Variants in DCAF6 observed in about 807,000 individuals in gnomAD.
DCAF6 encodes the protein DDB1 and CUL4 associated factor 6.
Under a neutral mutation model 125.1 loss-of-function variants are expected in DCAF6, and 54 were observed. The observed-to-expected ratio is 0.43, with a 90% CI of 0.35 to 0.54. The LOEUF (loss-of-function observed/expected upper bound fraction) is 0.54, where lower values mean the gene tolerates loss of function less well. DCAF6 is among the 20% of genes least tolerant of loss of function. The probability of loss-of-function intolerance (pLI) is 0.01; values close to 1 mark genes in which losing one functional copy is unlikely to be tolerated. For missense variants in DCAF6, 934 were observed against 1,161.7 expected, an observed-to-expected ratio of 0.80 and a Z score of 2.85; for synonymous variants, 371 against 390.4, an observed-to-expected ratio of 0.95 and a Z score of 0.58.
chr1:168,008,798 G>A (rs528279347), intron 10 of DCAF6, among the ~76,000 whole-genome samples: 91 of 150,666 alleles, frequency 6.0e-4, no homozygotes, highest in Non-Finnish European at 1.2e-3. Flanking sequence ...GATTTCTTTC[G>A]GTTATCAGAG....
the DCAF6 span, chr1:167,880,665 C>T: frequency 7.3e-7 from 1 of 1,361,364 alleles, no homozygotes; most frequent in Non-Finnish European, 1.1e-6. Flanking sequence ...TTAAACTGGA[C>T]TGGCCAGAAG....
chr1:168,005,856 A>G (rs182593580), intron 10 of DCAF6, among the ~76,000 whole-genome samples: 1 of 152,182 alleles, frequency 6.6e-6, no homozygotes, highest in African/African-American at 2.4e-5. Context: ...CATTTTATCC[A>G]TAATAATAAG....
At chr1:168,049,546 G>A (rs1479845893) in intron 16 of DCAF6, among the ~76,000 whole-genome samples, 1 of 147,552 alleles carries the variant, frequency 6.8e-6, no homozygotes, top group East Asian at 2.1e-4. Flanking sequence ...ATAGGCGTGA[G>A]CCACCGCGCC....
At chr1:168,071,397 A>G (rs932761750) in intron 21 of DCAF6, among the ~76,000 whole-genome samples, 3 of 152,232 alleles carry the variant, frequency 2.0e-5, no homozygotes, top group Non-Finnish European at 4.4e-5. Context: ...TGAGGTCAGG[A>G]ATTCAAGACC....
At chr1:168,032,296 T>C (rs1308842753) in intron 12 of DCAF6, among the ~76,000 whole-genome samples, 1 of 152,256 alleles carries the variant, frequency 6.6e-6, no homozygotes, top group African/African-American at 2.4e-5. Context: ...CTCACAGTTA[T>C]CTGTAGGGTA....
At chr1:167,868,804 A>G in the DCAF6 span, among the ~76,000 whole-genome samples, 1 of 152,246 alleles carries the variant, frequency 6.6e-6, no homozygotes, top group Non-Finnish European at 1.5e-5. Context: ...TAGGCCTGCC[A>G]CTTAGACACA....
At chr1:167,916,292 C>T in the DCAF6 span, among the ~76,000 whole-genome samples, 7 of 152,286 alleles carry the variant, frequency 4.6e-5, no homozygotes, top group East Asian at 1.9e-4. Flanking sequence ...CTGCAACCTC[C>T]GCCTCCTGGG....
Position 168,059,460 on chromosome 1 carries a change from C to G in DCAF6, c.2301-4161C>G, listed in dbSNP as rs146047694. Among the ~76,000 whole-genome samples the G allele has an allele frequency of 5.6e-3, 860 of 152,236 alleles. 7 individuals are homozygous for G. The highest frequency in any genetic ancestry group is 0.018 in the African/African-American group (764 of 41,542). On this transcript the variant is annotated intron_variant, in intron 17 of 21. Transcript: ENST00000367840. ...GGCGGCTAAGGCAAGACCCTTCCTTCTCTTTATTCATTTTTAGAAGGATCT... is the reference window on the plus strand; with the variant it reads ...GGCGGCTAAGGCAAGACCCTTCCTTGTCTTTATTCATTTTTAGAAGGATCT...
chr1:167,908,213 A>C, the DCAF6 span, among the ~76,000 whole-genome samples: 13 of 152,262 alleles, frequency 8.5e-5, no homozygotes, highest in Non-Finnish European at 1.5e-4. Flanking sequence ...ATGGAGTACT[A>C]TTCAGCCGTA....
the DCAF6 span, among the ~76,000 whole-genome samples, chr1:167,904,216 C>T: frequency 6.6e-6 from 1 of 151,564 alleles, no homozygotes; most frequent in African/African-American, 2.4e-5. Context: ...GCCTTCCGAG[C>T]AGCTGGGACT....
intron 11 of DCAF6, chr1:168,019,527 T>G (rs1026663530): frequency 4.4e-6 from 2 of 455,714 alleles, no homozygotes; most frequent in Non-Finnish European, 8.8e-6. Context: ...TAAGCCCAAC[T>G]CTTTTTTTCC....
At chr1:167,901,649 C>T in the DCAF6 span, 3 of 1,613,796 alleles carry the variant, frequency 1.9e-6, no homozygotes, top group African/African-American at 4.0e-5. Context: ...TTTATTCCTT[C>T]TCAAATGCTT....
At chr1:168,039,752 AAT>A (rs948543119) in intron 13 of DCAF6, among the ~76,000 whole-genome samples, 103 of 148,900 alleles carry the variant, frequency 6.9e-4, no homozygotes, top group African/African-American at 2.4e-3. Context: ...TATGTAATAT[AAT>A]ATAGTTATGT....
chr1:167,927,704 G>C, the DCAF6 span, among the ~76,000 whole-genome samples: 4 of 152,182 alleles, frequency 2.6e-5, no homozygotes, highest in African/African-American at 9.7e-5. Context: ...TTTTCAGTAG[G>C]TTTGCCTGGT....
rs113981354 is a variant in DCAF6, at chr1:168,001,077, G to A, written c.904-1405G>A. Among the ~76,000 whole-genome samples, 447 of 152,234 alleles carry A rather than the reference G, an allele frequency of 2.9e-3. 1 individual carries two copies. The highest frequency in any genetic ancestry group is 0.01 in the African/African-American group (425 of 41,548). On this transcript the variant is annotated intron_variant, in intron 7 of 21. Coordinates refer to ENST00000367840, the MANE Select transcript of DCAF6 (RefSeq NM_001198956.2). ...ACACTTTGGGAGGCAGAAGTGGGAG[G>A]ATTGCTTGAGGCCAGGAGTTCAAGA...
In DCAF6 at chr1:168,043,033, T is replaced by C. The variant is rs1024945890; in HGVS notation, c.1736T>C (p.Ile579Thr). 1 of 1,609,546 alleles carries C rather than the reference T, an allele frequency of 6.2e-7. No individual in the cohort carries two copies. The highest frequency in any genetic ancestry group is 8.5e-7 in the Non-Finnish European group (1 of 1,176,470). The change falls in exon 14 of 22, where the codon ATA (isoleucine) becomes ACA (threonine). Residue 579 changes from isoleucine to threonine, a missense_variant. By Grantham distance (89) the Ile-to-Thr change is moderately conservative (BLOSUM62 -1). Around this residue, in one of 5 missense-constraint regions of DCAF6, gnomAD observed 559 missense variants for 635.5 expected, o/e 0.88. Coordinates refer to ENST00000367840, the MANE Select transcript of DCAF6 (RefSeq NM_001198956.2). ...TCTTGTTTTGATGATAGGAGCAGTA[T>C]AGCATCAAGTTCTAGAGGAATTGGG... is the stretch of plus-strand genomic sequence containing the variant. ...KLNFTDEWSS[I>T]ASSSRGIGSH... is the part of the protein sequence containing the mutation.
In DCAF6 at chr1:167,936,803, C is replaced by T; in HGVS notation, c.-109C>T. On this transcript the variant is annotated 5_prime_UTR_variant, in exon 1 of 22. Coordinates refer to ENST00000367840, the MANE Select transcript of DCAF6 (RefSeq NM_001198956.2). ...CATCTAACGCTGCGCCCTGGAGGCCCGGCGCGCGGATGGTGCCGGTGCGGC... is the reference window on the plus strand; with the variant it reads ...CATCTAACGCTGCGCCCTGGAGGCCTGGCGCGCGGATGGTGCCGGTGCGGC... The T allele has an allele frequency of 3.0e-6, 3 of 1,015,814 alleles. No individual in the cohort carries two copies. Among genetic ancestry groups the T allele is most frequent in the Non-Finnish European group, 1.5e-6 (1 of 682,758 alleles). 62.9% of individuals were successfully genotyped at this position (1,015,814 alleles called of 1,614,324 possible).
the DCAF6 span, among the ~76,000 whole-genome samples, chr1:167,895,403 G>A: frequency 6.6e-6 from 1 of 152,032 alleles, no homozygotes; most frequent in Non-Finnish European, 1.5e-5. Context: ...CCACCCCACT[G>A]CCTATTGTGG....
intron 2 of DCAF6, among the ~76,000 whole-genome samples, chr1:167,963,218 C>G (rs1444424956): frequency 6.6e-6 from 1 of 151,656 alleles, no homozygotes; most frequent in Non-Finnish European, 1.5e-5. Flanking sequence ...GAGCTGAGAT[C>G]GTGCTGCTTC....
Sources: gnomAD v4.1 joint callset for allele counts (sites outside exome capture counted in the v4.1 genomes callset) on GRCh38, gnomAD v4.1.1 for gene constraint, gnomAD v4.1.1 regional missense constraint, MANE v1.5 for transcripts, NCBI Gene and HGNC (gene_info 2026-07-23, HGNC 2026-07-21) for gene names.